The following BEND3 variants were observed in gnomAD, a reference collection of about 807,000 sequenced individuals.
BEND3 encodes BEN domain-containing protein 3.
Under a neutral mutation model 60.1 loss-of-function variants are expected in BEND3, and 13 were observed. The ratio of observed to expected loss-of-function variants is 0.22; its 90% confidence interval spans 0.14 to 0.34. BEND3 has a LOEUF of 0.34. Ranked by LOEUF, BEND3 falls within the 10% of genes least tolerant of loss-of-function variation. The pLI is 1.00. For missense variants in BEND3, 896 were observed against 1,138.1 expected, an observed-to-expected ratio of 0.79 and a Z score of 3.06; for synonymous variants, 497 against 491.5, an observed-to-expected ratio of 1.01 and a Z score of -0.15.
In BEND3 at chr6:107,073,786, C is replaced by T. The variant is rs576731828; in HGVS notation, c.241-2836G>A. Among the ~76,000 whole-genome samples, 6 of 151,892 alleles carry T rather than the reference C, an allele frequency of 4.0e-5. No homozygotes were observed. The South Asian group carries it at 8.3e-4, about 21-fold the overall frequency. ...CCTGTAGTCTCAGCTACTCGGGAGG[C>T]TGAGGTAGGAGGATTGCTTCAGCCT... is the stretch of plus-strand genomic sequence containing the variant. On this transcript the variant is annotated intron_variant, in intron 3 of 3. Transcript: ENST00000369042.
In BEND3 at chr6:107,099,389, C is replaced by G. The variant is rs1775659078; in HGVS notation, c.-11-93G>C. 8 of 1,089,710 alleles carry G rather than the reference C, an allele frequency of 7.3e-6. No homozygotes were observed. In the East Asian group the frequency reaches 1.9e-4, roughly 26 times the overall value. The allele number at this position is 1,089,710 out of a possible 1,614,324, so 67.5% of individuals were successfully genotyped here. On this transcript the variant is annotated intron_variant, in intron 1 of 3. Coordinates refer to ENST00000369042, the MANE Select transcript of BEND3 (RefSeq NM_001367314.1). ...CAGAAAATCCTCTTACCCTCCCAAC[C>G]CCAGCTCTAGGTAACAGAGCAGCAC...
chr6:107,073,254 T>TAC, intron 3 of BEND3, among the ~76,000 whole-genome samples: 1 of 27,596 alleles, frequency 3.6e-5, no homozygotes, highest in African/African-American at 1.1e-4. Flanking sequence ...TATATATATA[T>TAC]ATATATATAT....
chr6:107,112,227 G>A (rs982334562), intron 1 of BEND3, among the ~76,000 whole-genome samples: 1 of 152,140 alleles, frequency 6.6e-6, no homozygotes, highest in Non-Finnish European at 1.5e-5. Flanking sequence ...AGTAGCAGGT[G>A]AGACATTAAT....
chr6:107,115,223 G>T lies in BEND3; in HGVS notation c.-145C>A, dbSNP rs1459983209. The T allele has an allele frequency of 1.3e-5, 2 of 149,766 alleles. No homozygotes were observed. Among genetic ancestry groups the T allele is most frequent in the African/African-American group, 4.9e-5 (2 of 41,012 alleles). 9.3% of individuals were successfully genotyped at this position (149,766 alleles called of 1,614,324 possible). A position where few individuals can be genotyped will look rare whatever the true frequency, so the allele number is the denominator to read the frequency against. The stretch of plus-strand genomic sequence containing the variant: ...GCCAGGGCGGCCCGGGGAGGCGCTG[G>T]GGGCGGCGGGCGGGCGAGCGCCGTG... On this transcript the variant is annotated 5_prime_UTR_variant, in exon 1 of 4. Transcript: ENST00000369042.
chr6:107,071,764 A>T (rs966595530), intron 3 of BEND3, among the ~76,000 whole-genome samples: 1 of 152,220 alleles, frequency 6.6e-6, no homozygotes, highest in Admixed American at 6.5e-5. Flanking sequence ...AATAACAAAA[A>T]AGAGGTCGTA....
intron 3 of BEND3, among the ~76,000 whole-genome samples, chr6:107,089,225 A>G (rs1390188186): frequency 1.3e-5 from 2 of 152,178 alleles, no homozygotes; most frequent in East Asian, 3.9e-4. Flanking sequence ...AAAAGGAATG[A>G]TATTCCACAT....
intron 3 of BEND3, among the ~76,000 whole-genome samples, chr6:107,075,324 G>T (rs909356533): frequency 1.3e-5 from 2 of 152,120 alleles, no homozygotes; most frequent in African/African-American, 4.8e-5. Flanking sequence ...AGTAAATCAA[G>T]TTAAGAGTTT....
At chr6:107,083,950 A>G (rs1554233870) in intron 3 of BEND3, among the ~76,000 whole-genome samples, 1 of 152,222 alleles carries the variant, frequency 6.6e-6, no homozygotes, top group East Asian at 1.9e-4. Context: ...CTACAATGGA[A>G]TATTATTTGG....
At chr6:107,071,500 G>A (rs6918687) in intron 3 of BEND3, among the ~76,000 whole-genome samples, 3 of 152,014 alleles carry the variant, frequency 2.0e-5, no homozygotes, top group African/African-American at 7.2e-5. Context: ...GCATGGTCGG[G>A]GCACCTGAGA....
chr6:107,099,008 A>G (rs782332015), intron 2 of BEND3, among the ~76,000 whole-genome samples: 2 of 152,160 alleles, frequency 1.3e-5, no homozygotes, highest in Non-Finnish European at 1.5e-5. Flanking sequence ...GGGGGAAGAC[A>G]GTGGAAGGAG....
intron 2 of BEND3, 98 bp from the exon 3 acceptor site, chr6:107,098,851 T>G (rs1427961922): frequency 2.5e-5 from 24 of 941,284 alleles, no homozygotes; most frequent in Non-Finnish European, 4.0e-5. Flanking sequence ...GGCCGCCCTT[T>G]GACACCAGTG....
intron 3 of BEND3, among the ~76,000 whole-genome samples, chr6:107,096,091 T>A (rs1239235681): frequency 2.0e-5 from 3 of 152,202 alleles, no homozygotes; most frequent in Non-Finnish European, 4.4e-5. Context: ...CAATCTGGTA[T>A]ACAATGTTGA....
intron 2 of BEND3, among the ~76,000 whole-genome samples, 155 bp from the exon 3 acceptor site, chr6:107,098,908 T>C (rs1241777054): frequency 6.6e-6 from 1 of 152,188 alleles, no homozygotes; most frequent in Non-Finnish European, 1.5e-5. Flanking sequence ...TTTCCAACGA[T>C]GCAATCTTTA....
At chr6:107,109,112 G>A (rs1486489635) in intron 1 of BEND3, among the ~76,000 whole-genome samples, 2 of 151,990 alleles carry the variant, frequency 1.3e-5, no homozygotes, top group African/African-American at 2.4e-5. Flanking sequence ...AGCCAAGAGG[G>A]CTGACTTTAA....
In BEND3 at chr6:107,098,610, C is replaced by T. The variant is rs782651221; in HGVS notation, c.181G>A (p.Val61Ile). 6.2e-7 allele frequency: 1 copy of T among 1,613,868 alleles called. No individual in the cohort carries two copies. Among genetic ancestry groups the T allele is most frequent in the South Asian group, 1.1e-5 (1 of 91,066 alleles). ...ACAGAGTCTAGCAGGCCATCGCTGA[C>T]CAGCTGCTTTCGTTTGCTGGAGTCC... Reference protein sequence around the residue: ...LQDSSKRKQLVSDGLLDSVPG... With the variant: ...LQDSSKRKQLISDGLLDSVPG... The change falls in exon 3 of 4, where the codon GTC (valine) becomes ATC (isoleucine). Residue 61 changes from valine (V) to isoleucine (I), a missense_variant. Physicochemically the swap from Val to Ile is conservative, Grantham distance 29. Around this residue, in one of 4 missense-constraint regions of BEND3, gnomAD observed 846 missense variants for 1,036.7 expected, o/e 0.82. Transcript: ENST00000369042.
chr6:107,114,769 C>T (rs1770225299), intron 1 of BEND3, among the ~76,000 whole-genome samples: 2 of 146,204 alleles, frequency 1.4e-5, no homozygotes, highest in African/African-American at 4.9e-5. Flanking sequence ...GGTTCCACCG[C>T]GCGAACCCCC....
In BEND3 at chr6:107,069,759, C is replaced by G. The variant is rs1554231595; in HGVS notation, c.1432G>C (p.Asp478His). 1 of 1,612,578 alleles carries G rather than the reference C, an allele frequency of 6.2e-7. No homozygotes were observed. Among genetic ancestry groups the G allele is most frequent in the African/African-American group, 1.3e-5 (1 of 74,932 alleles). ...WLQQCAQRINDELEGLGLDAG... is the reference protein window; with the variant it reads ...WLQQCAQRINHELEGLGLDAG... The stretch of plus-strand genomic sequence containing the variant: ...TCCAGCCCCAGGCCCTCGAGCTCGT[C>G]GTTGATGCGCTGGGCACACTGCTGC... Residue 478 changes from aspartate (D) to histidine (H), a missense_variant, in exon 4 of 4, where the codon GAC becomes CAC. Physicochemically the swap from Asp to His is moderately conservative, Grantham distance 81 (BLOSUM62 -1). Transcript: ENST00000369042.
In BEND3 at chr6:107,070,973, CAG is replaced by C. The variant is rs1488320719; in HGVS notation, c.241-25_241-24del. On this transcript the variant is annotated intron_variant, in intron 3 of 3. Coordinates refer to ENST00000369042, the MANE Select transcript of BEND3 (RefSeq NM_001367314.1). The surrounding 1 kb of genome is among the most constrained non-coding windows in gnomAD (Gnocchi z 6.9). ...AGCCTGCAAAACAAAAATCATTTCC[CAG>C]AGTGTTAGGTGGGTGCTGTGGTTTA... 6.3e-7 allele frequency: 1 copy of C among 1,585,780 alleles called. No individual in the cohort carries two copies. Among genetic ancestry groups the C allele is most frequent in the Non-Finnish European group, 8.6e-7 (1 of 1,166,184 alleles).
At chr6:107,092,126 A>G (rs1775489389) in intron 3 of BEND3, among the ~76,000 whole-genome samples, 2 of 152,064 alleles carry the variant, frequency 1.3e-5, no homozygotes, top group African/African-American at 4.8e-5. Context: ...GTGTAGTGGC[A>G]GGTGCCTGTA....
Sources: gnomAD v4.1 joint callset for allele counts (sites outside exome capture counted in the v4.1 genomes callset) on GRCh38, gnomAD v4.1.1 for gene constraint, gnomAD v4.1.1 regional missense constraint, Gnocchi (gnomAD v3.1) non-coding constraint, MANE v1.5 for transcripts, NCBI Gene and HGNC (gene_info 2026-07-23, HGNC 2026-07-21) for gene names.